The following PARVB variants were observed in gnomAD, a reference collection of about 807,000 sequenced individuals.
PARVB encodes the protein beta-parvin.
In PARVB, 46 loss-of-function variants were observed where a neutral mutation model predicts 47.0. The observed-to-expected ratio is 0.98, with a 90% confidence interval of 0.77 to 1.25. The LOEUF (loss-of-function observed/expected upper bound fraction) is 1.25. Among genes scored for constraint, PARVB ranks in the 50% most tolerant of loss-of-function variants. The probability of loss-of-function intolerance (pLI) is 0.00; values close to 1 mark genes in which losing one functional copy is unlikely to be tolerated. For missense variants in PARVB, 473 were observed against 471.6 expected (o/e 1.00, Z -0.03); for synonymous variants, 196 against 196.3 (o/e 1.00, Z 0.01).
At chr22:44,027,123 A>T (rs1460505002) in intron 1 of PARVB, among the ~76,000 whole-genome samples, 2 of 152,060 alleles carry the variant, frequency 1.3e-5, no homozygotes, top group African/African-American at 4.8e-5. Context: ...GGGCATTCAG[A>T]AAATGGAAAG....
At chr22:44,075,832 C>T (rs1048738222) in intron 1 of PARVB, among the ~76,000 whole-genome samples, 1 of 152,232 alleles carries the variant, frequency 6.6e-6, no homozygotes, top group Non-Finnish European at 1.5e-5. Flanking sequence ...CATTTGTTCC[C>T]TGTTTGCCTC....
intron 11 of PARVB, among the ~76,000 whole-genome samples, chr22:44,162,184 T>G (rs768939164): frequency 2.0e-5 from 3 of 152,228 alleles, no homozygotes; most frequent in Non-Finnish European, 4.4e-5. Context: ...TTTCCAGTGT[T>G]GTTCGTTTGA....
chr22:44,011,722 C>T (rs1318868606), intron 2 of PARVB, among the ~76,000 whole-genome samples: 1 of 152,116 alleles, frequency 6.6e-6, no homozygotes. Context: ...CTGTGTCTTC[C>T]CTGGCCACAG....
At chr22:44,128,276 C>T (rs1468243922) in intron 4 of PARVB, among the ~76,000 whole-genome samples, 1 of 152,210 alleles carries the variant, frequency 6.6e-6, no homozygotes, top group Admixed American at 6.5e-5. Flanking sequence ...CACACCCTCT[C>T]CTTGTGAAGG....
chr22:44,015,352 A>G (rs1423952780), intron 2 of PARVB, among the ~76,000 whole-genome samples: 1 of 152,216 alleles, frequency 6.6e-6, no homozygotes, highest in Non-Finnish European at 1.5e-5. Flanking sequence ...ATAGATAAAC[A>G]TGCTAAAAAC....
intron 11 of PARVB, among the ~76,000 whole-genome samples, chr22:44,162,323 T>C (rs891932460): frequency 6.6e-6 from 1 of 152,196 alleles, no homozygotes; most frequent in Non-Finnish European, 1.5e-5. Context: ...TTTGTTTGTT[T>C]GTTTGCTTGT....
At chr22:44,117,600 T>C (rs2052938820) in intron 3 of PARVB, among the ~76,000 whole-genome samples, 1 of 152,216 alleles carries the variant, frequency 6.6e-6, no homozygotes. Context: ...AACTGCCCTT[T>C]AATTTATTTT....
intron 2 of PARVB, among the ~76,000 whole-genome samples, chr22:44,001,632 T>C (rs1219148458): frequency 4.6e-5 from 7 of 152,194 alleles, no homozygotes; most frequent in Non-Finnish European, 7.3e-5. Flanking sequence ...TAGGGAGGTA[T>C]TGGGAAGCTG....
chr22:44,119,726 G>A (rs562674590), intron 4 of PARVB: 16 of 509,440 alleles, frequency 3.1e-5, no homozygotes, highest in Admixed American at 6.4e-5. Flanking sequence ...TGAAACAGAC[G>A]TGGTCCCTGT....
At chr22:44,128,528 G>A (rs2053241279) in intron 4 of PARVB, among the ~76,000 whole-genome samples, 1 of 152,344 alleles carries the variant, frequency 6.6e-6, no homozygotes, top group South Asian at 2.1e-4. Flanking sequence ...CCCAGCCTAA[G>A]GCAGCACACA....
chr22:44,160,763 G>A (rs990030307), intron 11 of PARVB, among the ~76,000 whole-genome samples: 4 of 152,188 alleles, frequency 2.6e-5, no homozygotes, highest in African/African-American at 7.2e-5. Context: ...CTGTGGGGCC[G>A]AGCGGCTGCA....
At chr22:44,108,197 C>T (rs1457571292) in intron 3 of PARVB, 1 of 152,178 alleles carries the variant, frequency 6.6e-6, no homozygotes, top group Admixed American at 6.5e-5. Flanking sequence ...GAGTTCTAAC[C>T]TTTATAGTAA....
chr22:44,074,417 G>A (rs2051722202), intron 1 of PARVB, among the ~76,000 whole-genome samples: 1 of 152,204 alleles, frequency 6.6e-6, no homozygotes, highest in Non-Finnish European at 1.5e-5. Context: ...GGCTGGTCTG[G>A]CCATCCCTGC....
At chr22:44,005,290 T>C (rs1161994364) in intron 2 of PARVB, among the ~76,000 whole-genome samples, 1 of 149,356 alleles carries the variant, frequency 6.7e-6, no homozygotes, top group Non-Finnish European at 1.5e-5. Context: ...TTTTTTTTTT[T>C]TCTGTAGAGA....
At chr22:44,075,764 C>T (rs1056769417) in intron 1 of PARVB, among the ~76,000 whole-genome samples, 1 of 152,250 alleles carries the variant, frequency 6.6e-6, no homozygotes, top group African/African-American at 2.4e-5. Context: ...CTTTTCACAG[C>T]TGACGGCGCG....
At chr22:44,114,718 CTAAG>C (rs202140591) in intron 3 of PARVB, 1 of 114,570 alleles carries the variant, frequency 8.7e-6, no homozygotes, top group Non-Finnish European at 1.8e-5. Context: ...TACGTTGTTA[CTAAG>C]TAAGGCCCTG....
At chr22:44,022,748 T>C (rs992168656), upstream of PARVB, among the ~76,000 whole-genome samples, 4 of 78,696 alleles carry the variant, frequency 5.1e-5, no homozygotes, top group East Asian at 2.4e-4. Flanking sequence ...TTATTTTTTA[T>C]TTTTTTTTTA....
At chr22:44,043,353 A>G (rs1202355303) in intron 1 of PARVB, among the ~76,000 whole-genome samples, 1 of 152,112 alleles carries the variant, frequency 6.6e-6, no homozygotes, top group Non-Finnish European at 1.5e-5. Flanking sequence ...TTTACTAAAA[A>G]TCATTGAATT....
At chr22:44,159,487 C>T (rs1310455682) in intron 11 of PARVB, among the ~76,000 whole-genome samples, 2 of 152,074 alleles carry the variant, frequency 1.3e-5, no homozygotes, top group Non-Finnish European at 1.5e-5. Flanking sequence ...TGAATCGGAG[C>T]GAGGAAGGGA....
Sources: allele counts gnomAD v4.1 joint callset (sites outside exome capture counted in the v4.1 genomes callset), GRCh38; gene constraint gnomAD v4.1.1; transcripts MANE v1.5; gene names NCBI Gene and HGNC (gene_info 2026-07-23, HGNC 2026-07-21).